The following SH3PXD2A variants were observed in gnomAD, a reference collection of about 807,000 sequenced individuals.
The protein encoded by SH3PXD2A is SH3 and PX domain-containing protein 2A.
SH3PXD2A carries 32 observed loss-of-function variants against 115.2 expected under a neutral mutation model. The observed-to-expected ratio is 0.28, with a 90% CI of 0.21 to 0.37. The LOEUF (loss-of-function observed/expected upper bound fraction) is 0.37, where lower values mean the gene tolerates loss of function less well. Ranked by LOEUF, SH3PXD2A falls within the 10% of genes least tolerant of loss-of-function variation. SH3PXD2A has a pLI of 1.00. For synonymous variants in SH3PXD2A, 610 were observed against 629.1 expected (o/e 0.97, Z 0.45); for missense variants, 1,328 against 1,498.7 (o/e 0.89, Z 1.88).
intron 5 of SH3PXD2A, among the ~76,000 whole-genome samples, chr10:103,717,822 T>C (rs1299855771): frequency 6.6e-6 from 1 of 152,146 alleles, no homozygotes; most frequent in Non-Finnish European, 1.5e-5. Flanking sequence ...ATGGGAGGAC[T>C]GCATCTGGGG....
At chr10:103,640,417 C>T (rs748226326) in intron 8 of SH3PXD2A, among the ~76,000 whole-genome samples, 1 of 152,042 alleles carries the variant, frequency 6.6e-6, no homozygotes. Context: ...GCTCAGCATT[C>T]GCTCTCAGAA....
intron 1 of SH3PXD2A, among the ~76,000 whole-genome samples, chr10:103,849,607 C>A (rs1442807198): frequency 6.6e-6 from 1 of 152,210 alleles, no homozygotes; most frequent in Non-Finnish European, 1.5e-5. Context: ...CTTCCATTCA[C>A]CTGCCCACCT....
At chr10:103,605,695 G>A (rs1194129477) in intron 14 of SH3PXD2A, 103 bp downstream of exon 14, 8 of 1,418,094 alleles carry the variant, frequency 5.6e-6, no homozygotes, top group Non-Finnish European at 6.9e-6. Context: ...TTTCCTGCCT[G>A]CCTGCCCCTC....
intron 2 of SH3PXD2A, among the ~76,000 whole-genome samples, chr10:103,792,743 G>T (rs191195443): frequency 6.6e-6 from 1 of 152,102 alleles, no homozygotes; most frequent in Non-Finnish European, 1.5e-5. Flanking sequence ...GTACAGTTTC[G>T]TCATGACACA....
chr10:103,721,605 C>T (rs1042658751), intron 5 of SH3PXD2A, among the ~76,000 whole-genome samples: 1 of 152,216 alleles, frequency 6.6e-6, no homozygotes, highest in African/African-American at 2.4e-5. Flanking sequence ...TGATCCTTTT[C>T]CCCCGTGGCC....
intron 2 of SH3PXD2A, among the ~76,000 whole-genome samples, chr10:103,768,014 G>A (rs2038778090): frequency 6.6e-6 from 1 of 152,112 alleles, no homozygotes; most frequent in South Asian, 2.1e-4. Flanking sequence ...GCCTCTCAAG[G>A]TTGGGCCTCA....
intron 3 of SH3PXD2A, among the ~76,000 whole-genome samples, chr10:103,750,734 A>G (rs1461164638): frequency 2.0e-5 from 3 of 152,198 alleles, no homozygotes; most frequent in Admixed American, 6.5e-5. Flanking sequence ...TCCGGGGTCA[A>G]TGCTCTTTCT....
intron 10 of SH3PXD2A, among the ~76,000 whole-genome samples, chr10:103,619,775 C>T (rs1293247426): frequency 6.6e-6 from 1 of 152,228 alleles, no homozygotes; most frequent in Non-Finnish European, 1.5e-5. Flanking sequence ...CTTGGGGACT[C>T]TGGGGCTGCA....
At chr10:103,662,098 C>T in intron 7 of SH3PXD2A, 1 of 403,770 alleles carries the variant, frequency 2.5e-6, no homozygotes, top group Non-Finnish European at 3.4e-6. Context: ...GGCTTGTGGT[C>T]AGGCCCCGGC....
intron 2 of SH3PXD2A, among the ~76,000 whole-genome samples, chr10:103,779,741 G>A (rs1044523662): frequency 6.6e-6 from 1 of 152,142 alleles, no homozygotes; most frequent in Non-Finnish European, 1.5e-5. Context: ...ACTCCGCAGA[G>A]AAGGAAGTCT....
chr10:103,721,697 G>A (rs2038184031), intron 5 of SH3PXD2A, among the ~76,000 whole-genome samples: 1 of 152,182 alleles, frequency 6.6e-6, no homozygotes, highest in African/African-American at 2.4e-5. Context: ...GACAGAAAAT[G>A]AGAGGCTTGG....
chr10:103,818,701 G>A (rs1298634748), intron 1 of SH3PXD2A, among the ~76,000 whole-genome samples: 1 of 152,126 alleles, frequency 6.6e-6, no homozygotes, highest in Admixed American at 6.5e-5. Flanking sequence ...AGATCCTATG[G>A]CTAGGTGAAA....
chr10:103,607,692 G>T (rs1165645062), intron 13 of SH3PXD2A, among the ~76,000 whole-genome samples: 1 of 152,206 alleles, frequency 6.6e-6, no homozygotes, highest in Non-Finnish European at 1.5e-5. Flanking sequence ...TGACAATGGC[G>T]GTTTTGTGGA....
chr10:103,611,130 C>T (rs1187836896), intron 13 of SH3PXD2A, among the ~76,000 whole-genome samples: 5 of 152,214 alleles, frequency 3.3e-5, no homozygotes, highest in Admixed American at 2.6e-4. Flanking sequence ...ACTCACACTC[C>T]TCCCTGGAAG....
intron 5 of SH3PXD2A, 133 bp from the exon 6 acceptor site, chr10:103,693,189 T>G: frequency 2.4e-6 from 1 of 409,472 alleles, no homozygotes; most frequent in Non-Finnish European, 4.1e-6. Context: ...CACGGCCGGC[T>G]AGCCGCGCGC....
chr10:103,606,034 A>C, intron 13 of SH3PXD2A, 117 bp from the exon 14 acceptor site: 1 of 1,011,534 alleles, frequency 9.9e-7, no homozygotes, highest in Non-Finnish European at 1.5e-6. Context: ...CACCAGCTGG[A>C]CAGCAGCTGG....
chr10:103,796,089 G>A (rs2039085561), intron 2 of SH3PXD2A, among the ~76,000 whole-genome samples: 1 of 152,078 alleles, frequency 6.6e-6, no homozygotes, highest in South Asian at 2.1e-4. Flanking sequence ...GCCGGGTGTG[G>A]TGGCTGATGC....
At chr10:103,731,405 C>T (rs2038318053) in intron 4 of SH3PXD2A, among the ~76,000 whole-genome samples, 1 of 152,142 alleles carries the variant, frequency 6.6e-6, no homozygotes, top group South Asian at 2.1e-4. Context: ...AAGCAATATG[C>T]CCACCTTGGC....
intron 13 of SH3PXD2A, among the ~76,000 whole-genome samples, chr10:103,610,433 A>G (rs1350831208): frequency 1.3e-5 from 2 of 152,240 alleles, no homozygotes; most frequent in Non-Finnish European, 2.9e-5. Flanking sequence ...GTTGAGAGGG[A>G]GAATTCAGTG....
Sources: gnomAD v4.1 joint callset for allele counts (sites outside exome capture counted in the v4.1 genomes callset) on GRCh38, gnomAD v4.1.1 for gene constraint, MANE v1.5 for transcripts, NCBI Gene and HGNC (gene_info 2026-07-23, HGNC 2026-07-21) for gene names.